The following ANKS1B variants were observed in gnomAD, a reference collection of about 807,000 sequenced individuals.
ANKS1B encodes the protein ankyrin repeat and sterile alpha motif domain containing 1B.
In ANKS1B, 36 loss-of-function variants were observed where a neutral mutation model predicts 148.3. The observed-to-expected ratio is 0.24, with a 90% CI of 0.19 to 0.32. The LOEUF (loss-of-function observed/expected upper bound fraction) is 0.32. Ranked by LOEUF, ANKS1B falls within the 10% of genes least tolerant of loss-of-function variation. ANKS1B has a pLI of 1.00. For synonymous variants in ANKS1B, 542 were observed against 560.8 expected (o/e 0.97, Z 0.47); for missense variants, 1,157 against 1,542.6 (o/e 0.75, Z 4.19).
Position 99,825,432 on chromosome 12 carries a change from TCTTGC to T in ANKS1B, c.135-48_135-44del. ...GCGCAGAGTTAACAGTGAAGCCAGA[TCTTGC>T]CTTGAAAAACAAAAAGAAGGCTGGT... On this transcript the variant is annotated intron_variant, in intron 1 of 26. Coordinates refer to ENST00000683438, the MANE Select transcript of ANKS1B (RefSeq NM_001352186.2). The T allele has an allele frequency of 2.0e-6, 3 of 1,506,000 alleles. No individual in the cohort carries two copies. The Admixed American group carries it at 5.7e-5, about 29-fold the overall frequency. 93.3% of individuals were successfully genotyped at this position (1,506,000 alleles called of 1,614,324 possible).
At chr12:99,669,450 T>G (rs921193875) in intron 8 of ANKS1B, among the ~76,000 whole-genome samples, 1 of 151,972 alleles carries the variant, frequency 6.6e-6, no homozygotes, top group Non-Finnish European at 1.5e-5. Flanking sequence ...TTTTTTTAGG[T>G]GGGTCTACAG....
intron 11 of ANKS1B, among the ~76,000 whole-genome samples, chr12:99,420,182 TC>T (rs1567066118): frequency 6.6e-6 from 1 of 152,202 alleles, no homozygotes; most frequent in African/African-American, 2.4e-5. Flanking sequence ...GAATACACTT[TC>T]CATTACATCA....
At chr12:99,171,634 G>A (rs1292208761) in intron 14 of ANKS1B, among the ~76,000 whole-genome samples, 1 of 152,160 alleles carries the variant, frequency 6.6e-6, no homozygotes, top group African/African-American at 2.4e-5. Context: ...GACAACTTAT[G>A]TGCTGGGGTA....
At chr12:99,472,235 C>G (rs77142978) in intron 10 of ANKS1B, among the ~76,000 whole-genome samples, 3,816 of 152,102 alleles carry the variant, frequency 0.025, 79 homozygotes, top group South Asian at 0.081. Context: ...AAATATCCTG[C>G]CGGACCTAGC....
chr12:99,143,019 C>T (rs964078102), intron 15 of ANKS1B, among the ~76,000 whole-genome samples: 1 of 152,154 alleles, frequency 6.6e-6, no homozygotes, highest in African/African-American at 2.4e-5. Flanking sequence ...AATATAACTT[C>T]TGTCAAATAA....
chr12:99,877,207 A>G (rs1407340745), intron 1 of ANKS1B, among the ~76,000 whole-genome samples: 1 of 152,066 alleles, frequency 6.6e-6, no homozygotes, highest in Non-Finnish European at 1.5e-5. Flanking sequence ...TACTCTGACT[A>G]TATTTCCTCT....
At chr12:98,796,513 A>G (rs1341236542) in intron 22 of ANKS1B, among the ~76,000 whole-genome samples, 2 of 152,198 alleles carry the variant, frequency 1.3e-5, no homozygotes, top group Non-Finnish European at 2.9e-5. Context: ...GATCTACATC[A>G]TTTATAGTTG....
chr12:99,133,749 A>G (rs1293938720), intron 15 of ANKS1B, among the ~76,000 whole-genome samples: 1 of 152,196 alleles, frequency 6.6e-6, no homozygotes, highest in African/African-American at 2.4e-5. Flanking sequence ...TCTCTTTGCA[A>G]TCTTAGAAGA....
At chr12:98,735,282 AT>A (rs879925687) in exon 10 of ANKS1B, 206 of 396,566 alleles carry the variant, frequency 5.2e-4, no homozygotes, top group Non-Finnish European at 7.0e-4. Flanking sequence ...CATATATATA[AT>A]TTTTTTTTAC....
chr12:99,886,202 C>T (rs1173233565), intron 1 of ANKS1B, among the ~76,000 whole-genome samples: 2 of 152,166 alleles, frequency 1.3e-5, no homozygotes, highest in African/African-American at 4.8e-5. Context: ...GCCATTCTGG[C>T]TTGGGTAAGT....
At chr12:98,779,525 C>G (rs895572857) in intron 24 of ANKS1B, among the ~76,000 whole-genome samples, 1 of 152,074 alleles carries the variant, frequency 6.6e-6, no homozygotes, top group African/African-American at 2.4e-5. Flanking sequence ...GTGTCAAATT[C>G]ATCCACTGAA....
chr12:99,393,770 G>C (rs1250665965), intron 12 of ANKS1B, among the ~76,000 whole-genome samples: 1 of 152,004 alleles, frequency 6.6e-6, no homozygotes, highest in Non-Finnish European at 1.5e-5. Context: ...GACCCCACTG[G>C]AATCTCCAGT....
chr12:99,654,945 A>T, intron 9 of ANKS1B, 122 bp downstream of exon 9: 1 of 1,147,952 alleles, frequency 8.7e-7, no homozygotes, highest in Non-Finnish European at 1.2e-6. Context: ...AAAAACCACA[A>T]GATCCAAAAT....
intron 9 of ANKS1B, among the ~76,000 whole-genome samples, chr12:99,612,014 C>A (rs1017642240): frequency 6.6e-6 from 1 of 151,914 alleles, no homozygotes; most frequent in African/African-American, 2.4e-5. Context: ...ATTATACATC[C>A]AGGATTCACA....
chr12:99,959,024 G>A (rs2095365230), intron 1 of ANKS1B, among the ~76,000 whole-genome samples: 1 of 149,702 alleles, frequency 6.7e-6, no homozygotes, highest in South Asian at 2.1e-4. Flanking sequence ...AGATTTTGGA[G>A]AATAATAATT....
intron 9 of ANKS1B, among the ~76,000 whole-genome samples, chr12:99,515,653 T>C (rs978671499): frequency 4.6e-5 from 7 of 152,082 alleles, no homozygotes; most frequent in African/African-American, 1.7e-4. Flanking sequence ...AGCCATCTCT[T>C]CCATATAGTG....
chr12:99,050,962 G>A (rs773101180), intron 17 of ANKS1B, among the ~76,000 whole-genome samples: 1 of 151,926 alleles, frequency 6.6e-6, no homozygotes, highest in Non-Finnish European at 1.5e-5. Flanking sequence ...CTCCCAAAGT[G>A]CTGGGATTAC....
intron 9 of ANKS1B, among the ~76,000 whole-genome samples, chr12:99,647,451 G>C (rs1169102087): frequency 6.6e-6 from 1 of 152,302 alleles, no homozygotes; most frequent in East Asian, 1.9e-4. Context: ...TCTACAACTA[G>C]AGGAGCTGGA....
At chr12:99,629,954 G>T (rs2098142053) in intron 9 of ANKS1B, among the ~76,000 whole-genome samples, 1 of 152,040 alleles carries the variant, frequency 6.6e-6, no homozygotes, top group South Asian at 2.1e-4. Flanking sequence ...TTAAAATTTA[G>T]ATCTACCTGT....
Sources: allele counts gnomAD v4.1 joint callset (sites outside exome capture counted in the v4.1 genomes callset), GRCh38; gene constraint gnomAD v4.1.1; transcripts MANE v1.5; gene names NCBI Gene and HGNC (gene_info 2026-07-23, HGNC 2026-07-21).